The following SLC38A4 variants were observed in gnomAD, a reference collection of about 807,000 sequenced individuals.
The protein encoded by SLC38A4 is solute carrier family 38 member 4, also known as sodium-coupled neutral amino acid transporter 4.
In SLC38A4, 20 loss-of-function variants were observed where a neutral mutation model predicts 63.1. The observed-to-expected ratio is 0.32, with a 90% CI of 0.22 to 0.46. The LOEUF is 0.46. SLC38A4 is among the 20% of genes least tolerant of loss of function. The probability of loss-of-function intolerance (pLI) is 1.00; values close to 1 mark genes in which losing one functional copy is unlikely to be tolerated. For missense variants in SLC38A4, 526 were observed against 663.6 expected, an observed-to-expected ratio of 0.79 and a Z score of 2.28; for synonymous variants, 230 against 225.5, an observed-to-expected ratio of 1.02 and a Z score of -0.18.
chr12:46,797,457 C>T (rs982595865), intron 2 of SLC38A4, among the ~76,000 whole-genome samples: 1 of 152,076 alleles, frequency 6.6e-6, no homozygotes, highest in African/African-American at 2.4e-5. Context: ...TCCTGCTTCC[C>T]AGACCTCGTA....
intron 6 of SLC38A4, 49 bp downstream of exon 6, chr12:46,785,055 C>G: frequency 7.1e-7 from 1 of 1,406,354 alleles, no homozygotes; most frequent in East Asian, 2.3e-5. Context: ...CTGAAATACT[C>G]TTTTATGAGA....
chr12:46,820,248 A>C (rs1418562613), intron 1 of SLC38A4, among the ~76,000 whole-genome samples: 1 of 151,962 alleles, frequency 6.6e-6, no homozygotes, highest in Non-Finnish European at 1.5e-5. Context: ...GCCTAACGAT[A>C]GGCATTATGC....
chr12:46,785,114 G>A lies in SLC38A4; in HGVS notation c.390C>T (p.Ala130=). ...LYSVHLLLKT[A]KEGGSLIYEK... ...CAAGTGGTAGCATACCTCCTTCCTT[G>A]GCTGTTTTTAATAAAAGGTGAACTG... The change falls in exon 6 of 17, where the codon GCC becomes GCT. Residue 130 remains alanine, a synonymous_variant. Transcript: ENST00000266579. 6 of 1,611,900 alleles carry A rather than the reference G, an allele frequency of 3.7e-6. No homozygotes were observed. The highest frequency in any genetic ancestry group is 5.1e-6 in the Non-Finnish European group (6 of 1,178,390).
intron 10 of SLC38A4, 56 bp downstream of exon 10, chr12:46,779,555 G>A (rs1201805261): frequency 7.3e-7 from 1 of 1,373,724 alleles, no homozygotes; most frequent in Non-Finnish European, 1.0e-6. Flanking sequence ...ACTAATTTAG[G>A]CACAAAAAAA....
intron 7 of SLC38A4, among the ~76,000 whole-genome samples, chr12:46,782,446 A>C (rs1938663126): frequency 6.6e-6 from 1 of 152,050 alleles, no homozygotes; most frequent in African/African-American, 2.4e-5. Context: ...GAAAGCTGAA[A>C]ATCGGTATCA....
intron 14 of SLC38A4, among the ~76,000 whole-genome samples, chr12:46,773,497 C>T (rs367967535): frequency 6.0e-4 from 92 of 152,162 alleles, no homozygotes; most frequent in African/African-American, 1.8e-3. Context: ...TTTTTCTGAA[C>T]TCTGGTTCTT....
At chr12:46,819,630 T>C (rs1463003959) in intron 1 of SLC38A4, among the ~76,000 whole-genome samples, 2 of 151,888 alleles carry the variant, frequency 1.3e-5, no homozygotes, top group Non-Finnish European at 2.9e-5. Flanking sequence ...GTAATGATTG[T>C]GGTGGGGTAG....
At chr12:46,766,889 G>A (rs951932025) in intron 16 of SLC38A4, 87 bp from the exon 17 acceptor site, 9 of 833,600 alleles carry the variant, frequency 1.1e-5, no homozygotes, top group Non-Finnish European at 1.6e-5. Context: ...ATGGCAATCT[G>A]ATCTATATAT....
upstream of SLC38A4, among the ~76,000 whole-genome samples, chr12:46,830,994 T>C (rs149921923): frequency 2.6e-5 from 4 of 152,334 alleles, no homozygotes; most frequent in African/African-American, 9.6e-5. Context: ...CACGTATCCC[T>C]GAGTTTCCTA....
Position 46,817,045 on chromosome 12 carries a change from G to T in SLC38A4, c.-305+8858C>A, listed in dbSNP as rs780926556. The stretch of plus-strand genomic sequence containing the variant: ...GAGTAGCTTAATAGCTTAAGGGGAA[G>T]ATATGGTTTATGCAGTTGGGGCCAG... On this transcript the variant is annotated intron_variant, in intron 1 of 16. Transcript: ENST00000266579. Among the ~76,000 whole-genome samples the T allele has an allele frequency of 1.4e-3, 198 of 146,620 alleles. 2 individuals carry two copies. Among genetic ancestry groups the T allele is most frequent in the African/African-American group, 4.8e-3 (189 of 39,226 alleles).
At position 46,788,611 on chromosome 12, in the gene SLC38A4, C is replaced by A. The variant is rs541039068; in HGVS notation, c.127G>T (p.Ala43Ser). The A allele has an allele frequency of 5.0e-6, 8 of 1,612,434 alleles. No individual in the cohort carries two copies. In the East Asian group the frequency reaches 1.1e-4, roughly 23 times the overall value. ...TTCTGACTTTCAGTGTCTTCATTAGCAAATTGACTGAACACACACACACAC... is the reference window on the plus strand; with the variant it reads ...TTCTGACTTTCAGTGTCTTCATTAGAAAATTGACTGAACACACACACACAC... ...SEKAAMSSQF[A>S]NEDTESQKFL... The change falls in exon 4 of 17, where the codon GCT (alanine) becomes TCT (serine). Residue 43 changes from alanine (A) to serine (S), a missense_variant. By Grantham distance (99) the Ala-to-Ser change is moderately conservative. Transcript: ENST00000266579.
chr12:46,831,569 TCGCCCAC>T (rs1378400494), intron 1 of SLC38A4, among the ~76,000 whole-genome samples: 2 of 152,112 alleles, frequency 1.3e-5, no homozygotes, highest in African/African-American at 4.8e-5. Context: ...GTTTTCAGAC[TCGCCCAC>T]CGCCCAGAGA....
intron 1 of SLC38A4, among the ~76,000 whole-genome samples, chr12:46,808,075 A>T (rs1939270858): frequency 6.6e-6 from 1 of 152,014 alleles, no homozygotes; most frequent in African/African-American, 2.4e-5. Flanking sequence ...GATTACTAAA[A>T]TGTAGTGCAT....
At chr12:46,802,161 T>C (rs1182615602) in intron 2 of SLC38A4, among the ~76,000 whole-genome samples, 1 of 152,090 alleles carries the variant, frequency 6.6e-6, no homozygotes, top group East Asian at 1.9e-4. Context: ...ACTTTCTAGC[T>C]CTGCTCTTAG....
At chr12:46,826,492 C>A (rs1474355742), upstream of SLC38A4, among the ~76,000 whole-genome samples, 1 of 152,136 alleles carries the variant, frequency 6.6e-6, no homozygotes, top group Non-Finnish European at 1.5e-5. Context: ...TAATTCTATA[C>A]CATAGCTGTT....
Position 46,800,211 on chromosome 12 carries a change from CCTT to C in SLC38A4, c.-113+3389_-113+3391del, listed in dbSNP as rs570754224. ...CAACGTATCACCAAGTCCTATCAGT[CCTT>C]CTTTCAACATTTATTTAAAATTCAT... On this transcript the variant is annotated intron_variant, in intron 2 of 16. Transcript: ENST00000266579. Among the ~76,000 whole-genome samples the C allele has an allele frequency of 7.2e-5, 11 of 152,194 alleles. No individual in the cohort carries two copies. The East Asian group carries it at 1.2e-3, about 16-fold the overall frequency.
intron 1 of SLC38A4, among the ~76,000 whole-genome samples, chr12:46,806,352 G>A (rs1265480049): frequency 6.6e-6 from 1 of 151,954 alleles, no homozygotes; most frequent in Admixed American, 6.6e-5. Context: ...GATTTTTAGT[G>A]ATGAAGATCT....
intron 1 of SLC38A4, among the ~76,000 whole-genome samples, chr12:46,810,695 G>A (rs1003245232): frequency 3.3e-5 from 5 of 151,518 alleles, no homozygotes; most frequent in African/African-American, 1.2e-4. Context: ...TATATTTGCC[G>A]GCTAACCTTT....
intron 15 of SLC38A4, among the ~76,000 whole-genome samples, chr12:46,769,020 G>A (rs1938356725): frequency 6.6e-6 from 1 of 152,006 alleles, no homozygotes; most frequent in South Asian, 2.1e-4. Context: ...TCCACACCAA[G>A]GTATATGACT....
Sources: gnomAD v4.1 joint callset for allele counts (sites outside exome capture counted in the v4.1 genomes callset) on GRCh38, gnomAD v4.1.1 for gene constraint, MANE v1.5 for transcripts, NCBI Gene and HGNC (gene_info 2026-07-23, HGNC 2026-07-21) for gene names.